Variants in STRADA observed in about 807,000 individuals in gnomAD.
STRADA encodes the protein STE20 related adaptor alpha.
Under a neutral mutation model 55.0 loss-of-function variants are expected in STRADA, and 26 were observed. The ratio of observed to expected loss-of-function variants is 0.47; its 90% CI spans 0.35 to 0.66. The LOEUF is 0.66. Among genes scored for constraint, STRADA ranks in the 30% least tolerant of loss-of-function variants. STRADA has a pLI of 0.01. For missense variants in STRADA, 443 were observed against 549.7 expected, an observed-to-expected ratio of 0.81 and a Z score of 1.94; for synonymous variants, 197 against 210.9, an observed-to-expected ratio of 0.93 and a Z score of 0.57.
intron 4 of STRADA, among the ~76,000 whole-genome samples, chr17:63,720,705 G>A (rs1446083561): frequency 1.3e-5 from 2 of 150,884 alleles, no homozygotes; most frequent in Non-Finnish European, 3.0e-5. Context: ...ACCCGGGGAG[G>A]CAGAGCTTGC....
At chr17:63,716,876 A>G (rs1274318963) in intron 4 of STRADA, among the ~76,000 whole-genome samples, 3 of 152,268 alleles carry the variant, frequency 2.0e-5, no homozygotes, top group African/African-American at 4.8e-5. Context: ...TAAATAAAAC[A>G]TATGCTACAA....
At chr17:63,714,821 G>A (rs997357879) in intron 4 of STRADA, among the ~76,000 whole-genome samples, 1 of 152,236 alleles carries the variant, frequency 6.6e-6, no homozygotes, top group Non-Finnish European at 1.5e-5. Flanking sequence ...AGGTCCTAGA[G>A]GAAGGTGTCC....
chr17:63,728,249 A>G, intron 2 of STRADA, 85 bp downstream of exon 2: 1 of 1,400,666 alleles, frequency 7.1e-7, no homozygotes, highest in East Asian at 2.3e-5. Flanking sequence ...ACCCTCACGT[A>G]GAAAACCACC....
intron 10 of STRADA, chr17:63,705,157 C>T (rs368239694): frequency 4.1e-5 from 24 of 581,778 alleles, no homozygotes; most frequent in Middle Eastern, 9.0e-4. Context: ...TCCTCATGAC[C>T]GCATAAGCTG....
intron 1 of STRADA, among the ~76,000 whole-genome samples, chr17:63,732,259 C>A (rs2038119855): frequency 6.6e-6 from 1 of 152,182 alleles, no homozygotes; most frequent in African/African-American, 2.4e-5. Flanking sequence ...CCCGCCTCGG[C>A]CTCCCAAAGT....
intron 8 of STRADA, among the ~76,000 whole-genome samples, chr17:63,708,265 T>A (rs891827122): frequency 6.6e-6 from 1 of 151,960 alleles, no homozygotes; most frequent in Non-Finnish European, 1.5e-5. Flanking sequence ...AGTGGCGCAA[T>A]CTCAGTTCAC....
intron 4 of STRADA, chr17:63,714,564 C>G (rs1442810106): frequency 8.6e-6 from 2 of 231,956 alleles, no homozygotes. Flanking sequence ...GAATCTTGCT[C>G]TAGGGAAAAT....
chr17:63,741,920 CT>C (rs1005524642), upstream of STRADA: 6 of 152,286 alleles, frequency 3.9e-5, no homozygotes, highest in African/African-American at 7.2e-5. Context: ...AAGTCCCGCC[CT>C]TTCCGAGTGG....
chr17:63,713,994 C>G lies in STRADA; in HGVS notation c.226+12G>C, dbSNP rs1378189974. Reference sequence around the variant, plus strand: ...CAGAAAGCAGGAGAGTAAGGACGGCCCCTGCACATACCTATCACAGTGAGC... The same window carrying G: ...CAGAAAGCAGGAGAGTAAGGACGGCGCCTGCACATACCTATCACAGTGAGC... On this transcript the variant is annotated intron_variant, in intron 5 of 12. Transcript: ENST00000336174. The G allele has an allele frequency of 6.2e-7, 1 of 1,606,374 alleles. No individual in the cohort carries two copies. Among genetic ancestry groups the G allele is most frequent in the Admixed American group, 1.7e-5 (1 of 59,972 alleles).
intron 1 of STRADA, among the ~76,000 whole-genome samples, chr17:63,740,948 T>C (rs1461259902): frequency 6.6e-6 from 1 of 152,198 alleles, no homozygotes; most frequent in Non-Finnish European, 1.5e-5. Flanking sequence ...CAGTCCTGGG[T>C]GTCTTCAGGA....
At chr17:63,709,849 T>G (rs1290364968) in intron 8 of STRADA, among the ~76,000 whole-genome samples, 2 of 152,138 alleles carry the variant, frequency 1.3e-5, no homozygotes, top group Non-Finnish European at 2.9e-5. Context: ...AGCATAAGAC[T>G]GACTCTGGGG....
At chr17:63,725,163 C>A (rs1347089762) in intron 3 of STRADA, among the ~76,000 whole-genome samples, 1 of 151,690 alleles carries the variant, frequency 6.6e-6, no homozygotes, top group African/African-American at 2.4e-5. Flanking sequence ...ACCCGGGAGG[C>A]GGAGTTTGCA....
chr17:63,737,277 A>AAAAT (rs2038514342), intron 1 of STRADA: 1 of 143,504 alleles, frequency 7.0e-6, no homozygotes, highest in Non-Finnish European at 1.5e-5. Context: ...AAAAAAAAAA[A>AAAAT]TTGAGATAGT....
intron 3 of STRADA, among the ~76,000 whole-genome samples, chr17:63,724,152 T>A (rs536636953): frequency 6.1e-4 from 93 of 152,308 alleles, no homozygotes; most frequent in Non-Finnish European, 9.6e-4. Flanking sequence ...TTTAATTTTT[T>A]ATTTTTTGGA....
intron 1 of STRADA, among the ~76,000 whole-genome samples, chr17:63,733,818 T>G (rs1302540482): frequency 6.6e-6 from 1 of 152,226 alleles, no homozygotes; most frequent in African/African-American, 2.4e-5. Flanking sequence ...GGTATGGAGT[T>G]TCTAATGAGC....
At chr17:63,735,794 G>GA (rs2038377026) in intron 1 of STRADA, among the ~76,000 whole-genome samples, 1 of 152,182 alleles carries the variant, frequency 6.6e-6, no homozygotes. Context: ...ATGCCCAGCA[G>GA]ACAATCCTAA....
At chr17:63,738,877 T>G (rs187182984) in intron 1 of STRADA, among the ~76,000 whole-genome samples, 2,464 of 144,132 alleles carry the variant, frequency 0.017, 33 homozygotes, top group Middle Eastern at 0.031. Flanking sequence ...ACAGGCCGGG[T>G]GCGGTGGCTC....
chr17:63,737,997 A>G (rs547217410), intron 1 of STRADA, among the ~76,000 whole-genome samples: 12 of 151,562 alleles, frequency 7.9e-5, no homozygotes, highest in African/African-American at 2.4e-4. Flanking sequence ...AAAGAAAAGA[A>G]AAGAGAAGAG....
In STRADA at chr17:63,735,092, T is replaced by C. The variant is rs564922792; in HGVS notation, c.-45+6649A>G. ...ATCGTTTGAACCCAGGAGGGAGAGG[T>C]TGCAGTGGGCCGAGATCGTGCCATT... On this transcript the variant is annotated intron_variant, in intron 1 of 12. Transcript: ENST00000336174. Among the ~76,000 whole-genome samples the C allele has an allele frequency of 2.1e-3, 321 of 152,222 alleles. 4 individuals are homozygous for C. Among genetic ancestry groups the C allele is most frequent in the East Asian group, 1.9e-3 (10 of 5,182 alleles).
Sources: gnomAD v4.1 joint callset for allele counts (sites outside exome capture counted in the v4.1 genomes callset) on GRCh38, gnomAD v4.1.1 for gene constraint, MANE v1.5 for transcripts, NCBI Gene and HGNC (gene_info 2026-07-23, HGNC 2026-07-21) for gene names.